WDFY3: variants seen among roughly 807,000 people sequenced by gnomAD.
The protein encoded by WDFY3 is WD repeat and FYVE domain-containing protein 3.
WDFY3 carries 66 observed loss-of-function variants against 409.6 expected under a neutral mutation model. That is an observed-to-expected ratio of 0.16 (90% CI 0.13 to 0.20). WDFY3 has a LOEUF of 0.20. Ranked by LOEUF, WDFY3 falls within the 10% of genes least tolerant of loss-of-function variation. The probability of loss-of-function intolerance (pLI) is 1.00; values close to 1 mark genes in which losing one functional copy is unlikely to be tolerated. For missense variants in WDFY3, 3,031 were observed against 4,298.1 expected (o/e 0.71, Z 8.24); for synonymous variants, 1,521 against 1,537.1 (o/e 0.99, Z 0.25).
chr4:84,670,890 G>T lies in WDFY3; in HGVS notation c.*1978C>A, dbSNP rs1725348118. 1 of 152,162 alleles carries T rather than the reference G, an allele frequency of 6.6e-6. No homozygotes were observed. The highest frequency in any genetic ancestry group is 2.4e-5 in the African/African-American group (1 of 41,308). The allele number at this position is 152,162 out of a possible 1,614,324, so 9.4% of individuals were successfully genotyped here. A position where few individuals can be genotyped will look rare whatever the true frequency, so the allele number is the denominator to read the frequency against. The stretch of plus-strand genomic sequence containing the variant: ...GTGATGGGGGAGGGAGAGTGTGGGG[G>T]GAGTAAGACACAGAAAGGAAAACAG... On this transcript the variant is annotated 3_prime_UTR_variant, in exon 68 of 68. Transcript: ENST00000295888.
At chr4:84,903,977 T>A (rs1766675625) in intron 2 of WDFY3, among the ~76,000 whole-genome samples, 1 of 152,138 alleles carries the variant, frequency 6.6e-6, no homozygotes, top group Non-Finnish European at 1.5e-5. Context: ...CTCAAATTCA[T>A]GTTAAAATCC....
chr4:84,903,275 A>G (rs896386204), intron 2 of WDFY3, among the ~76,000 whole-genome samples: 1 of 152,228 alleles, frequency 6.6e-6, no homozygotes, highest in Non-Finnish European at 1.5e-5. Flanking sequence ...AAAATTTACA[A>G]TATTTTCCAT....
chr4:84,922,500 A>G (rs961640863), intron 2 of WDFY3, among the ~76,000 whole-genome samples: 5 of 152,232 alleles, frequency 3.3e-5, no homozygotes, highest in African/African-American at 1.2e-4. Context: ...GTTGTGTGTC[A>G]GGACAGGCAG....
intron 3 of WDFY3, among the ~76,000 whole-genome samples, chr4:84,875,263 A>AAC (rs58589086): frequency 0.26 from 35,834 of 137,250 alleles, 4,606 homozygotes; most frequent in Admixed American, 0.37. Context: ...GCAAGACTCA[A>AAC]ACACACACAC....
intron 52 of WDFY3, 36 bp downstream of exon 52, chr4:84,709,257 A>C: frequency 6.3e-7 from 1 of 1,579,800 alleles, no homozygotes; most frequent in Non-Finnish European, 8.6e-7. Context: ...TCTAATTACG[A>C]ACTTCTAAGG....
At chr4:84,693,302 C>T (rs1175660453) in intron 58 of WDFY3, among the ~76,000 whole-genome samples, 1 of 152,168 alleles carries the variant, frequency 6.6e-6, no homozygotes, top group Non-Finnish European at 1.5e-5. Flanking sequence ...ATAACTTTCT[C>T]AAAGAAAGTC....
intron 10 of WDFY3, among the ~76,000 whole-genome samples, chr4:84,821,967 A>G (rs1754135753): frequency 6.6e-6 from 1 of 152,204 alleles, no homozygotes; most frequent in African/African-American, 2.4e-5. Context: ...AGCAGCAATA[A>G]TGAAGCAGGA....
intron 16 of WDFY3, among the ~76,000 whole-genome samples, chr4:84,803,037 A>C (rs1396404305): frequency 1.3e-5 from 2 of 152,234 alleles, no homozygotes; most frequent in Non-Finnish European, 2.9e-5. Flanking sequence ...ATAAGGAGAA[A>C]CAGAATTATT....
intron 43 of WDFY3, among the ~76,000 whole-genome samples, chr4:84,734,371 C>A (rs574130690): frequency 3.3e-5 from 5 of 152,156 alleles, no homozygotes; most frequent in Admixed American, 3.3e-4. Context: ...GTAAAGATTA[C>A]TGAGTGAACA....
chr4:84,954,631 T>TTTTC (rs1410808848), intron 1 of WDFY3, among the ~76,000 whole-genome samples: 4 of 152,180 alleles, frequency 2.6e-5, no homozygotes, highest in Non-Finnish European at 5.9e-5. Context: ...TGAACATTTA[T>TTTTC]TTTCTTAATT....
At chr4:84,843,362 A>G (rs1015175258) in intron 5 of WDFY3, among the ~76,000 whole-genome samples, 1 of 152,164 alleles carries the variant, frequency 6.6e-6, no homozygotes, top group South Asian at 2.1e-4. Context: ...ACCAATTTCA[A>G]TATGTGTCAT....
chr4:84,922,117 C>A (rs1769371723), intron 2 of WDFY3, among the ~76,000 whole-genome samples: 1 of 151,850 alleles, frequency 6.6e-6, no homozygotes, highest in African/African-American at 2.4e-5. Flanking sequence ...ACTTGAGCAC[C>A]TACACCTGTA....
At chr4:84,796,813 G>T in intron 18 of WDFY3, 61 bp from the exon 19 acceptor site, 1 of 1,405,852 alleles carries the variant, frequency 7.1e-7, no homozygotes, top group Non-Finnish European at 9.8e-7. Flanking sequence ...AACTTTACAA[G>T]GCTGATTTAT....
intron 47 of WDFY3, among the ~76,000 whole-genome samples, chr4:84,719,116 G>C (rs1455185828): frequency 6.6e-6 from 1 of 152,142 alleles, no homozygotes; most frequent in Non-Finnish European, 1.5e-5. Flanking sequence ...AAAAATAAGT[G>C]AGATAATGTA....
chr4:84,840,715 T>A (rs2150024812), intron 6 of WDFY3, among the ~76,000 whole-genome samples: 1 of 151,538 alleles, frequency 6.6e-6, no homozygotes, highest in East Asian at 1.9e-4. Flanking sequence ...CAGCTGGGAC[T>A]TCAGGTGCAG....
rs558987801 is a variant in WDFY3, at chr4:84,902,597, G to C, written c.-131-5587C>G. On this transcript the variant is annotated intron_variant, in intron 2 of 67. Coordinates refer to ENST00000295888, the MANE Select transcript of WDFY3 (RefSeq NM_014991.6). ...ATCAAAGAGAAGAAACTTTTTAGAAGGGCAAAATAGAATTTTCACCATGAC... is the reference window on the plus strand; with the variant it reads ...ATCAAAGAGAAGAAACTTTTTAGAACGGCAAAATAGAATTTTCACCATGAC... 1.4e-4 allele frequency among the ~76,000 whole-genome samples: 21 copies of C among 152,222 alleles called. 1 individual carries two copies. The South Asian group carries it at 4.1e-3, about 30-fold the overall frequency.
In WDFY3 at chr4:84,757,038, G is replaced by T. The variant is rs781429701; in HGVS notation, c.5312C>A (p.Ala1771Asp). The change falls in exon 33 of 68, where the codon GCC (alanine) becomes GAC (aspartate). Residue 1771 changes from alanine (A) to aspartate (D), a missense_variant. Ala to Asp is a moderately radical substitution (Grantham distance 126, BLOSUM62 -2). This residue lies in a region of WDFY3 where 342 missense variants were observed against 463.7 expected (regional missense o/e 0.74). Transcript: ENST00000295888. Reference protein sequence around the residue: ...SFLPKHTNVPALYFLLMALFL... With the variant: ...SFLPKHTNVPDLYFLLMALFL... ...CAAGGCCATGAGGAGAAAATAGAGGGCAGGGACATTAGTGTGTTTAGGAAG... is the reference window on the plus strand; with the variant it reads ...CAAGGCCATGAGGAGAAAATAGAGGTCAGGGACATTAGTGTGTTTAGGAAG... 1 of 1,611,810 alleles carries T rather than the reference G, an allele frequency of 6.2e-7. No homozygotes were observed. Among genetic ancestry groups the T allele is most frequent in the South Asian group, 1.1e-5 (1 of 91,056 alleles).
chr4:84,946,730 A>G (rs1021238388), intron 1 of WDFY3, among the ~76,000 whole-genome samples: 1 of 152,152 alleles, frequency 6.6e-6, no homozygotes, highest in Non-Finnish European at 1.5e-5. Flanking sequence ...CTAGCGCGCT[A>G]TACATCATAA....
rs202056534 is a variant in WDFY3 at position 84,753,848 on chromosome 4, C to G, written c.5588G>C (p.Trp1863Ser). Residue 1863 changes from tryptophan to serine, a missense_variant, in exon 35 of 68, where the codon TGG (tryptophan) becomes TCG (serine). By Grantham distance (177) the Trp-to-Ser change is radical (BLOSUM62 -3). Around this residue, in one of 16 missense-constraint regions of WDFY3, gnomAD observed 342 missense variants for 463.7 expected, o/e 0.74. Transcript: ENST00000295888. ...SPWQSEEEGS[W>S]LREYPVTLMQ... ...CAGGGTCACAGGATATTCTCGGAGC[C>G]AAGATCCCTCTTCTTCTGATTGCCA... 6.2e-7 allele frequency: 1 copy of G among 1,603,242 alleles called. No individual in the cohort carries two copies. Among genetic ancestry groups the G allele is most frequent in the South Asian group, 1.1e-5 (1 of 89,426 alleles).
Sources: allele counts gnomAD v4.1 joint callset (sites outside exome capture counted in the v4.1 genomes callset), GRCh38; gene constraint gnomAD v4.1.1; regional missense constraint gnomAD v4.1.1; transcripts MANE v1.5; gene names NCBI Gene and HGNC (gene_info 2026-07-23, HGNC 2026-07-21).